CAB39L: variants seen among roughly 807,000 people sequenced by gnomAD.
The protein encoded by CAB39L is calcium-binding protein 39-like.
In CAB39L, 23 loss-of-function variants were observed where a neutral mutation model predicts 39.1. That is an observed-to-expected ratio of 0.59 (90% CI 0.42 to 0.83). The LOEUF is 0.83. Among genes scored for constraint, CAB39L ranks in the 40% least tolerant of loss-of-function variants. The probability of loss-of-function intolerance (pLI) is 0.00; values close to 1 mark genes in which losing one functional copy is unlikely to be tolerated. For missense variants in CAB39L, 366 were observed against 391.9 expected, an observed-to-expected ratio of 0.93 and a Z score of 0.56; for synonymous variants, 126 against 137.2, an observed-to-expected ratio of 0.92 and a Z score of 0.57.
At chr13:49,409,656 T>C (rs1956948932) in intron 3 of CAB39L, among the ~76,000 whole-genome samples, 1 of 151,948 alleles carries the variant, frequency 6.6e-6, no homozygotes, top group African/African-American at 2.4e-5. Flanking sequence ...GAAAGAGGAA[T>C]GAAGTTAGGA....
At chr13:49,426,293 T>C (rs1398183563) in intron 3 of CAB39L, among the ~76,000 whole-genome samples, 1 of 152,248 alleles carries the variant, frequency 6.6e-6, no homozygotes, top group Non-Finnish European at 1.5e-5. Flanking sequence ...AACTTAGATC[T>C]TTCTTAAATT....
At chr13:49,355,619 T>C (rs1196245934) in intron 6 of CAB39L, among the ~76,000 whole-genome samples, 12 of 152,070 alleles carry the variant, frequency 7.9e-5, no homozygotes, top group Non-Finnish European at 1.2e-4. Context: ...ATTTTAGTGA[T>C]GTTAAGAGAT....
intron 3 of CAB39L, among the ~76,000 whole-genome samples, chr13:49,410,367 C>T (rs964974107): frequency 6.6e-6 from 1 of 152,184 alleles, no homozygotes; most frequent in African/African-American, 2.4e-5. Flanking sequence ...AACTGATGTA[C>T]ATTCTCTTTT....
At chr13:49,326,472 G>T (rs187653969) in intron 10 of CAB39L, among the ~76,000 whole-genome samples, 1 of 152,160 alleles carries the variant, frequency 6.6e-6, no homozygotes, top group Non-Finnish European at 1.5e-5. Flanking sequence ...GAGCCTATTA[G>T]CAGGCTAATG....
chr13:49,440,382 T>C (rs748424390), intron 1 of CAB39L, among the ~76,000 whole-genome samples: 3 of 152,180 alleles, frequency 2.0e-5, no homozygotes, highest in Non-Finnish European at 2.9e-5. Context: ...TGCTTCCTTT[T>C]GTCAATTTTG....
rs868361730 is a variant in CAB39L, at chr13:49,346,102, T to G, written c.565-1864A>C. ...TATATATATATATATATATGCTAGATATATATATATATATATATATATCAT... is the reference window on the plus strand; with the variant it reads ...TATATATATATATATATATGCTAGAGATATATATATATATATATATATCAT... On this transcript the variant is annotated intron_variant, in intron 7 of 10. Coordinates refer to ENST00000409308, the MANE Select transcript of CAB39L (RefSeq NM_001079670.3). 5.8e-3 allele frequency among the ~76,000 whole-genome samples: 192 copies of G among 33,382 alleles called. 3 individuals carry two copies. Among genetic ancestry groups the G allele is most frequent in the Non-Finnish European group, 0.011 (153 of 14,238 alleles). The allele number at this position is 33,382 out of a possible 152,430, so 21.9% of individuals were successfully genotyped here. A position where few individuals can be genotyped will look rare whatever the true frequency, so the allele number is the denominator to read the frequency against.
chr13:49,339,750 A>G lies in CAB39L; in HGVS notation c.625-8T>C. On this transcript the variant is annotated splice_region_variant and splice_polypyrimidine_tract_variant and intron_variant, in intron 8 of 10. Coordinates refer to ENST00000409308, the MANE Select transcript of CAB39L (RefSeq NM_001079670.3). ...CTCATAGTCTTCAAAAATCTAATGA[A>G]AAGAAAATACACATTAGAGTGTAAA... 1 of 1,572,978 alleles carries G rather than the reference A, an allele frequency of 6.4e-7. No homozygotes were observed. The highest frequency in any genetic ancestry group is 2.3e-5 in the East Asian group (1 of 43,054).
Position 49,382,833 on chromosome 13 carries a change from G to A in CAB39L, c.78C>T (p.Ala26=). 6.8e-6 allele frequency: 11 copies of A among 1,610,870 alleles called. No homozygotes were observed. Among genetic ancestry groups the A allele is most frequent in the Non-Finnish European group, 9.3e-6 (11 of 1,178,438 alleles). The change falls in exon 4 of 11, where the codon GCC becomes GCT. Residue 26 remains alanine (A), a synonymous_variant. Coordinates refer to ENST00000409308, the MANE Select transcript of CAB39L (RefSeq NM_001079670.3). ...TCTTTTTGTCTTGCTTTTCCAAAAT[G>A]GCCAAATTGTCTTTCAGGATTTTCA... ...EIVKILKDNL[A]ILEKQDKKTD... is the part of the protein sequence containing the mutation.
chr13:49,311,157 A>G (rs1308242173), intron 10 of CAB39L, among the ~76,000 whole-genome samples, 164 bp from the exon 11 acceptor site: 3 of 152,222 alleles, frequency 2.0e-5, no homozygotes, highest in Admixed American at 1.3e-4. Flanking sequence ...AGGGTGATCA[A>G]TACAGTCACA....
intron 3 of CAB39L, among the ~76,000 whole-genome samples, chr13:49,385,915 CAA>C (rs2138602491): frequency 6.8e-6 from 1 of 146,476 alleles, no homozygotes; most frequent in Admixed American, 7.0e-5. Flanking sequence ...CAAAATGTAT[CAA>C]GAGATACAAA....
chr13:49,437,853 C>T (rs1313223840), intron 1 of CAB39L, among the ~76,000 whole-genome samples: 1 of 152,188 alleles, frequency 6.6e-6, no homozygotes, highest in Admixed American at 6.6e-5. Flanking sequence ...CAGGGTCTCA[C>T]TCTGTTGCCC....
chr13:49,361,561 A>AAAAGAAAGAAAG (rs60755841), intron 5 of CAB39L, among the ~76,000 whole-genome samples: 6 of 122,042 alleles, frequency 4.9e-5, no homozygotes, highest in African/African-American at 1.5e-4. Context: ...AAAGAGAAAG[A>AAAAGAAAGAAAG]AAAGAAAGAA....
intron 10 of CAB39L, among the ~76,000 whole-genome samples, chr13:49,330,403 T>A (rs370232769): frequency 2.0e-5 from 3 of 152,134 alleles, no homozygotes; most frequent in Admixed American, 6.5e-5. Context: ...GGCAGGAAGA[T>A]CACTTGAGCC....
In CAB39L at chr13:49,348,498, G is replaced by T. The variant is rs569830421; in HGVS notation, c.564+2246C>A. Among the ~76,000 whole-genome samples the T allele has an allele frequency of 4.6e-5, 7 of 152,242 alleles. No individual in the cohort carries two copies. The South Asian group carries it at 1.4e-3, about 32-fold the overall frequency. On this transcript the variant is annotated intron_variant, in intron 7 of 10. Transcript: ENST00000409308. ...TGGGAGGATCACCTGAGCCTGGGAG[G>T]CTGAGGCTGCAATGAGCTGAGATTG...
chr13:49,420,736 C>T (rs768988933), intron 3 of CAB39L, among the ~76,000 whole-genome samples: 2 of 152,144 alleles, frequency 1.3e-5, no homozygotes, highest in Admixed American at 6.5e-5. Context: ...TTCTAGAACA[C>T]CCATTATTCT....
chr13:49,357,522 T>C (rs1955520243), intron 6 of CAB39L, among the ~76,000 whole-genome samples: 1 of 152,242 alleles, frequency 6.6e-6, no homozygotes, highest in Admixed American at 6.5e-5. Context: ...CCCCAAATTG[T>C]CACTAATGAT....
intron 10 of CAB39L, among the ~76,000 whole-genome samples, chr13:49,312,260 A>T (rs1469950562): frequency 2.0e-5 from 3 of 152,186 alleles, no homozygotes; most frequent in African/African-American, 4.8e-5. Flanking sequence ...TAGTCTAAGC[A>T]GTGTTTATGA....
chr13:49,351,036 A>T (rs1429297452), intron 6 of CAB39L, 124 bp from the exon 7 acceptor site: 1 of 626,628 alleles, frequency 1.6e-6, no homozygotes, highest in Non-Finnish European at 2.5e-6. Context: ...GTCACGATTC[A>T]TTCAATATCC....
intron 3 of CAB39L, among the ~76,000 whole-genome samples, chr13:49,404,071 C>G (rs1293890168): frequency 1.3e-5 from 2 of 152,182 alleles, no homozygotes; most frequent in African/African-American, 4.8e-5. Context: ...TTGGGCATAA[C>G]CCAGTACTGT....
Sources: allele counts gnomAD v4.1 joint callset (sites outside exome capture counted in the v4.1 genomes callset), GRCh38; gene constraint gnomAD v4.1.1; transcripts MANE v1.5; gene names NCBI Gene and HGNC (gene_info 2026-07-23, HGNC 2026-07-21).